Variants in PMEPA1 observed in about 807,000 individuals in gnomAD.
PMEPA1 encodes the protein protein TMEPAI.
Under a neutral mutation model 23.0 loss-of-function variants are expected in PMEPA1, and 11 were observed. The ratio of observed to expected loss-of-function variants is 0.48; its 90% CI spans 0.30 to 0.79. The LOEUF (loss-of-function observed/expected upper bound fraction) is 0.79, where lower values mean the gene tolerates loss of function less well. Among genes scored for constraint, PMEPA1 ranks in the 30% least tolerant of loss-of-function variants. The probability of loss-of-function intolerance (pLI) is 0.06; values close to 1 mark genes in which losing one functional copy is unlikely to be tolerated. For missense variants in PMEPA1, 377 were observed against 390.9 expected (o/e 0.96, Z 0.30); for synonymous variants, 204 against 166.4 (o/e 1.23, Z -1.74).
chr20:57,702,214 G>A (rs6015057), intron 1 of PMEPA1, among the ~76,000 whole-genome samples: 13,240 of 152,238 alleles, frequency 0.087, 1,191 homozygotes, highest in African/African-American at 0.23. Flanking sequence ...GTGTGTGGCA[G>A]ATGGTGCTGA....
chr20:57,665,344 C>T (rs1279102928), intron 1 of PMEPA1, among the ~76,000 whole-genome samples: 2 of 152,082 alleles, frequency 1.3e-5, no homozygotes, highest in Non-Finnish European at 2.9e-5. Flanking sequence ...GGGTTTCATT[C>T]TCCTGCTAAA....
chr20:57,690,680 T>C, intron 1 of PMEPA1: 2 of 781,588 alleles, frequency 2.6e-6, no homozygotes, highest in Non-Finnish European at 3.5e-6. Flanking sequence ...TGGGAAACAC[T>C]CGGTGCAGAT....
At chr20:57,710,586 G>T (rs1251126095), upstream of PMEPA1, 2 of 955,740 alleles carry the variant, frequency 2.1e-6, no homozygotes, top group Non-Finnish European at 3.1e-6. Context: ...ACGGGAACTC[G>T]CGTAGACACG....
At chr20:57,675,945 C>A (rs934728315) in intron 1 of PMEPA1, among the ~76,000 whole-genome samples, 2 of 152,182 alleles carry the variant, frequency 1.3e-5, no homozygotes, top group African/African-American at 4.8e-5. Flanking sequence ...TTCTAAGCCT[C>A]CCAGACATCA....
At chr20:57,666,194 T>C (rs2071490125) in intron 1 of PMEPA1, among the ~76,000 whole-genome samples, 1 of 152,118 alleles carries the variant, frequency 6.6e-6, no homozygotes, top group Non-Finnish European at 1.5e-5. Context: ...GTGTGCCTCG[T>C]TGGAGAGGCC....
chr20:57,709,537 C>A lies in PMEPA1; in HGVS notation c.46G>T (p.Gly16Trp). Residue 16 changes from glycine (G) to tryptophan (W), a missense_variant, in exon 1 of 4, where the codon GGG (glycine) becomes TGG (tryptophan). Gly to Trp is a radical substitution (Grantham distance 184, BLOSUM62 -2). Coordinates refer to ENST00000341744, the MANE Select transcript of PMEPA1 (RefSeq NM_020182.5). ...GVNSTAAAAA[G>W]QPNVSCTCNC... is the part of the protein sequence containing the mutation. ...CACGTGCAGGAGACATTGGGCTGCC[C>A]GGCGGCGGCGGCGGCGGTGCTGTTG... is the stretch of plus-strand genomic sequence containing the variant. 1.9e-6 allele frequency: 2 copies of A among 1,053,340 alleles called. No homozygotes were observed. Among genetic ancestry groups the A allele is most frequent in the East Asian group, 8.2e-5 (1 of 12,266 alleles). The allele number at this position is 1,053,340 out of a possible 1,614,324, so 65.2% of individuals were successfully genotyped here. A position where few individuals can be genotyped will look rare whatever the true frequency, so the allele number is the denominator to read the frequency against.
chr20:57,661,398 T>C (rs1156791910), intron 1 of PMEPA1, among the ~76,000 whole-genome samples: 1 of 152,148 alleles, frequency 6.6e-6, no homozygotes, highest in Non-Finnish European at 1.5e-5. Context: ...CCAAAGCTCC[T>C]CCAGCTTCGC....
chr20:57,689,847 T>G (rs1468558701), intron 1 of PMEPA1, among the ~76,000 whole-genome samples: 1 of 152,178 alleles, frequency 6.6e-6, no homozygotes, highest in East Asian at 1.9e-4. Context: ...AGCCTTTGAT[T>G]GTGAATCAAA....
intron 1 of PMEPA1, among the ~76,000 whole-genome samples, chr20:57,676,750 T>A (rs1426707886): frequency 6.6e-6 from 1 of 152,098 alleles, no homozygotes; most frequent in Non-Finnish European, 1.5e-5. Context: ...CTCCTTGCAC[T>A]GCTGAGCACC....
chr20:57,700,651 T>C (rs115446982), intron 1 of PMEPA1, among the ~76,000 whole-genome samples: 59 of 152,320 alleles, frequency 3.9e-4, no homozygotes, highest in African/African-American at 1.3e-3. Context: ...TTTCAACTTG[T>C]TACTAAATAA....
rs376814859 is a variant in PMEPA1, at chr20:57,649,224, C to T, written c.*2829G>A. ...TTCCTACTGGAAAAGAGGGCCTCCT[C>T]AGGAGCAGTCCAAGAGTTTTCAAAG... On this transcript the variant is annotated 3_prime_UTR_variant, in exon 4 of 4. Transcript: ENST00000341744. 2 of 152,242 alleles carry T rather than the reference C, an allele frequency of 1.3e-5. No individual in the cohort carries two copies. Among genetic ancestry groups the T allele is most frequent in the Admixed American group, 6.5e-5 (1 of 15,282 alleles). 9.4% of individuals were successfully genotyped at this position (152,242 alleles called of 1,614,324 possible). A position where few individuals can be genotyped will look rare whatever the true frequency, so the allele number is the denominator to read the frequency against.
intron 2 of PMEPA1, among the ~76,000 whole-genome samples, chr20:57,657,066 G>T (rs1159933844): frequency 6.6e-6 from 1 of 152,182 alleles, no homozygotes; most frequent in Non-Finnish European, 1.5e-5. Flanking sequence ...TTGGCCGAAG[G>T]TGTGACGGAA....
At chr20:57,689,264 G>A (rs936405515) in intron 1 of PMEPA1, among the ~76,000 whole-genome samples, 5 of 152,102 alleles carry the variant, frequency 3.3e-5, no homozygotes, top group Admixed American at 2.0e-4. Flanking sequence ...CTTCTATCTC[G>A]GCCCAAATCC....
At chr20:57,701,441 T>A (rs2072009885) in intron 1 of PMEPA1, among the ~76,000 whole-genome samples, 1 of 152,172 alleles carries the variant, frequency 6.6e-6, no homozygotes, top group Non-Finnish European at 1.5e-5. Flanking sequence ...GTTTTTGCCA[T>A]TTGATGGCCT....
intron 1 of PMEPA1, among the ~76,000 whole-genome samples, chr20:57,699,057 T>A (rs1010639351): frequency 6.6e-6 from 1 of 152,196 alleles, no homozygotes; most frequent in South Asian, 2.1e-4. Context: ...TGTGGCCCCA[T>A]GCAAATTCTG....
At chr20:57,668,124 C>T (rs1329785132) in intron 1 of PMEPA1, among the ~76,000 whole-genome samples, 1 of 152,180 alleles carries the variant, frequency 6.6e-6, no homozygotes, top group Non-Finnish European at 1.5e-5. Context: ...GAGCACCTGG[C>T]ACCCGGACAG....
chr20:57,702,262 C>T (rs907782857), intron 1 of PMEPA1, among the ~76,000 whole-genome samples: 9 of 152,246 alleles, frequency 5.9e-5, no homozygotes, highest in African/African-American at 1.9e-4. Flanking sequence ...TAGTGATGTC[C>T]CCTATCAAGT....
At position 57,656,933 on chromosome 20, in the gene PMEPA1, CAGGG is replaced by C. The variant is rs2071334792; in HGVS notation, c.264+2606_264+2609del. Among the ~76,000 whole-genome samples, 1 of 152,192 alleles carries C rather than the reference CAGGG, an allele frequency of 6.6e-6. No homozygotes were observed. The highest frequency in any genetic ancestry group is 2.1e-4 in the South Asian group (1 of 4,828). Reference sequence around the variant, plus strand: ...GCGGGGCCCAGGGACTCCTGTCTGGCAGGGGGTCCCCAGGGGAGCTGCCACATTC... The same window carrying C: ...GCGGGGCCCAGGGACTCCTGTCTGGCGGTCCCCAGGGGAGCTGCCACATTC... On this transcript the variant is annotated intron_variant, in intron 2 of 3. Transcript: ENST00000341744. This position sits in a 1 kb window ranked among gnomAD's most constrained non-coding sequence, Gnocchi z 4.7.
At chr20:57,698,007 G>C (rs1470333593) in intron 1 of PMEPA1, among the ~76,000 whole-genome samples, 1 of 152,170 alleles carries the variant, frequency 6.6e-6, no homozygotes, top group East Asian at 1.9e-4. Flanking sequence ...TTAAACATTT[G>C]TTTCATGGTA....
Sources: gnomAD v4.1 joint callset for allele counts (sites outside exome capture counted in the v4.1 genomes callset) on GRCh38, gnomAD v4.1.1 for gene constraint, Gnocchi (gnomAD v3.1) non-coding constraint, MANE v1.5 for transcripts, NCBI Gene and HGNC (gene_info 2026-07-23, HGNC 2026-07-21) for gene names.